Variants in CCNY observed in about 807,000 individuals in gnomAD.
CCNY encodes the protein cyclin Y, also known as cyclin-Y.
A neutral mutation model predicts 42.8 loss-of-function variants in CCNY; 19 were observed. That is an observed-to-expected ratio of 0.44 (90% CI 0.31 to 0.65). The LOEUF (loss-of-function observed/expected upper bound fraction) is 0.65. Ranked by LOEUF, CCNY falls within the 30% of genes least tolerant of loss-of-function variation. The pLI, the probability that CCNY is intolerant of heterozygous loss-of-function variation, is 0.07. For synonymous variants in CCNY, 165 were observed against 162.7 expected, an observed-to-expected ratio of 1.01 and a Z score of -0.11; for missense variants, 370 against 437.3, an observed-to-expected ratio of 0.85 and a Z score of 1.37.
intron 1 of CCNY, among the ~76,000 whole-genome samples, chr10:35,390,734 T>C (rs1837396572): frequency 6.6e-6 from 1 of 152,236 alleles, no homozygotes; most frequent in East Asian, 1.9e-4. Context: ...GCCTTTGTAC[T>C]TGGCAATGTG....
chr10:35,457,841 A>G (rs2135324120), intron 1 of CCNY, among the ~76,000 whole-genome samples: 1 of 152,306 alleles, frequency 6.6e-6, no homozygotes, highest in South Asian at 2.1e-4. Flanking sequence ...CGGCCTCTCA[A>G]AGTGCTGGGA....
intron 3 of CCNY, among the ~76,000 whole-genome samples, chr10:35,278,667 C>T (rs1425793282): frequency 6.6e-6 from 1 of 152,140 alleles, no homozygotes; most frequent in African/African-American, 2.4e-5. Flanking sequence ...CTATAGGGTG[C>T]TCTGGAGCTG....
At chr10:35,502,316 T>C (rs113064453) in intron 3 of CCNY, among the ~76,000 whole-genome samples, 1,582 of 152,338 alleles carry the variant, frequency 0.01, 24 homozygotes, top group African/African-American at 0.036. Flanking sequence ...ATAAGTATGC[T>C]CTAAGTCCTC....
chr10:35,406,557 G>T (rs941380566), intron 1 of CCNY, among the ~76,000 whole-genome samples: 1 of 152,198 alleles, frequency 6.6e-6, no homozygotes, highest in African/African-American at 2.4e-5. Context: ...TAAGGTCACA[G>T]ATCAACAGGA....
intron 3 of CCNY, among the ~76,000 whole-genome samples, chr10:35,322,929 A>G (rs1835837109): frequency 6.6e-6 from 1 of 152,000 alleles, no homozygotes; most frequent in Non-Finnish European, 1.5e-5. Flanking sequence ...CAGTTTGGCC[A>G]TTTTTTATTT....
chr10:35,375,842 G>T (rs920207941), intron 1 of CCNY, among the ~76,000 whole-genome samples: 1 of 152,192 alleles, frequency 6.6e-6, no homozygotes, highest in Admixed American at 6.5e-5. Context: ...ACAGGTGTGT[G>T]GAAGGAGCTC....
intron 1 of CCNY, among the ~76,000 whole-genome samples, chr10:35,406,301 A>G (rs1223300175): frequency 1.1e-4 from 16 of 149,090 alleles, no homozygotes; most frequent in Non-Finnish European, 5.9e-5. Flanking sequence ...GGGTCACAGG[A>G]CAATAGTGGA....
chr10:35,314,546 A>G (rs1207064149), intron 3 of CCNY: 1 of 152,188 alleles, frequency 6.6e-6, no homozygotes, highest in East Asian at 1.9e-4. Context: ...ATATCACACC[A>G]TTTATAATTT....
At chr10:35,526,721 C>G (rs551952678) in intron 5 of CCNY, among the ~76,000 whole-genome samples, 5 of 148,350 alleles carry the variant, frequency 3.4e-5, no homozygotes, top group African/African-American at 1.3e-4. Context: ...ATTTACATAA[C>G]AGATGAGTAT....
At chr10:35,441,145 G>A (rs1838658442) in intron 1 of CCNY, among the ~76,000 whole-genome samples, 2 of 152,212 alleles carry the variant, frequency 1.3e-5, no homozygotes, top group Non-Finnish European at 2.9e-5. Flanking sequence ...GTCAGGGAGA[G>A]TCTGTAGCAC....
In CCNY at chr10:35,425,967, C is replaced by CT. The variant is rs1183915968; in HGVS notation, c.155-57436dup. On this transcript the variant is annotated intron_variant, in intron 1 of 9. Coordinates refer to ENST00000374704, the MANE Select transcript of CCNY (RefSeq NM_145012.6). ...GCTGCTCAGAGGCTTCAGGAGAGGA[C>CT]TGCAGCTTCCTTTTCACCCTGGGGG... Among the ~76,000 whole-genome samples, 3 of 152,200 alleles carry CT rather than the reference C, an allele frequency of 2.0e-5. No individual in the cohort carries two copies. The East Asian group carries it at 5.8e-4, about 29-fold the overall frequency.
intron 1 of CCNY, among the ~76,000 whole-genome samples, chr10:35,344,007 C>T (rs1456273259): frequency 1.3e-5 from 2 of 152,158 alleles, no homozygotes; most frequent in Non-Finnish European, 2.9e-5. Flanking sequence ...TGATGTAAGT[C>T]CCTCATCCTT....
intron 8 of CCNY, among the ~76,000 whole-genome samples, chr10:35,555,393 A>G (rs993732662): frequency 6.6e-6 from 1 of 152,226 alleles, no homozygotes; most frequent in African/African-American, 2.4e-5. Flanking sequence ...TTGGAATTCT[A>G]GGTACTTAGG....
chr10:35,277,035 C>T (rs949322994), intron 3 of CCNY, among the ~76,000 whole-genome samples: 1 of 152,220 alleles, frequency 6.6e-6, no homozygotes, highest in Admixed American at 6.5e-5. Context: ...CCTTGGGATT[C>T]CATCTCATGC....
intron 1 of CCNY, among the ~76,000 whole-genome samples, chr10:35,364,161 A>G (rs1234469256): frequency 6.6e-6 from 1 of 152,124 alleles, no homozygotes; most frequent in Non-Finnish European, 1.5e-5. Flanking sequence ...GAGAATGTGT[A>G]TTTACAGCAG....
At chr10:35,389,695 C>A (rs765511804) in intron 1 of CCNY, among the ~76,000 whole-genome samples, 1 of 152,064 alleles carries the variant, frequency 6.6e-6, no homozygotes, top group Non-Finnish European at 1.5e-5. Context: ...CCTTGGCCTC[C>A]CAAGGTGCTG....
intron 1 of CCNY, among the ~76,000 whole-genome samples, chr10:35,395,747 C>T (rs1434202744): frequency 6.6e-6 from 1 of 152,170 alleles, no homozygotes; most frequent in African/African-American, 2.4e-5. Context: ...ACGCTGTCAG[C>T]GCCTGGTTGT....
intron 8 of CCNY, among the ~76,000 whole-genome samples, chr10:35,560,960 G>C (rs558213927): frequency 6.6e-6 from 1 of 152,272 alleles, no homozygotes; most frequent in Admixed American, 6.5e-5. Context: ...CCTGCACCAA[G>C]GTAAAGATGA....
At chr10:35,254,641 A>C (rs2095714197) in intron 3 of CCNY, among the ~76,000 whole-genome samples, 1 of 152,014 alleles carries the variant, frequency 6.6e-6, no homozygotes, top group African/African-American at 2.4e-5. Flanking sequence ...AGCCTGGACA[A>C]CATGGCAAGA....
Sources: allele counts gnomAD v4.1 joint callset (sites outside exome capture counted in the v4.1 genomes callset), GRCh38; gene constraint gnomAD v4.1.1; transcripts MANE v1.5; gene names NCBI Gene and HGNC (gene_info 2026-07-23, HGNC 2026-07-21).